The following KCTD1 variants were observed in gnomAD, a reference collection of about 807,000 sequenced individuals.
KCTD1 encodes the protein BTB/POZ domain-containing protein KCTD1.
In KCTD1, 24 loss-of-function variants were observed where a neutral mutation model predicts 66.0. The ratio of observed to expected loss-of-function variants is 0.36; its 90% CI spans 0.26 to 0.51. KCTD1 has a LOEUF of 0.51. Ranked by LOEUF, KCTD1 falls within the 20% of genes least tolerant of loss-of-function variation. The pLI is 0.95. For synonymous variants in KCTD1, 511 were observed against 517.2 expected (o/e 0.99, Z 0.16); for missense variants, 943 against 1,205.2 (o/e 0.78, Z 3.22).
intron 1 of KCTD1, among the ~76,000 whole-genome samples, chr18:26,563,883 G>C (rs1169044400): frequency 6.6e-6 from 1 of 152,132 alleles, no homozygotes; most frequent in African/African-American, 2.4e-5. Flanking sequence ...TCCAGTCTTA[G>C]CTCAAGTCCT....
chr18:26,610,093 T>C (rs1317309572), intron 1 of KCTD1, among the ~76,000 whole-genome samples: 3 of 152,258 alleles, frequency 2.0e-5, no homozygotes, highest in Non-Finnish European at 2.9e-5. Context: ...AGAATAAATC[T>C]AAGATGTGGG....
intron 1 of KCTD1, among the ~76,000 whole-genome samples, chr18:26,635,314 G>A (rs2145053172): frequency 6.6e-6 from 1 of 152,324 alleles, no homozygotes; most frequent in East Asian, 1.9e-4. Flanking sequence ...CCTGCCCACT[G>A]TGCCCACAGG....
At chr18:26,603,524 T>C (rs1159719854) in intron 1 of KCTD1, among the ~76,000 whole-genome samples, 1 of 151,450 alleles carries the variant, frequency 6.6e-6, no homozygotes, top group Non-Finnish European at 1.5e-5. Context: ...GCGGATCACC[T>C]GAGGCCAGGA....
chr18:26,481,821 G>A (rs1427090603), intron 2 of KCTD1, among the ~76,000 whole-genome samples: 1 of 152,124 alleles, frequency 6.6e-6, no homozygotes, highest in Non-Finnish European at 1.5e-5. Context: ...CAGCTATTCT[G>A]ATGTAATTGG....
rs532725155 is a variant in KCTD1, at chr18:26,540,140, C to A, written c.1809+6588G>T. ...AGATACTAGGCTGAACTGGGTTAAA[C>A]CGGACTAGGGACATGAAGTAAAACT... On this transcript the variant is annotated intron_variant, in intron 1 of 4. Coordinates refer to ENST00000580059, the MANE Select transcript of KCTD1 (RefSeq NM_001142730.3). Among the ~76,000 whole-genome samples the A allele has an allele frequency of 2.3e-3, 349 of 152,262 alleles. 2 individuals are homozygous for A. The highest frequency in any genetic ancestry group is 3.8e-3 in the Non-Finnish European group (261 of 68,020).
rs1318863807 is a variant in KCTD1 at position 26,564,064 on chromosome 18, G to A, written c.-15-62814C>T. The stretch of plus-strand genomic sequence containing the variant: ...CATTGCCTAGCATAGCTACTGGCAC[G>A]TAGAAGGTATTTGACAGATGTTTCT... On this transcript the variant is annotated intron_variant, in intron 1 of 4. Transcript: ENST00000317932. 2.6e-5 allele frequency among the ~76,000 whole-genome samples: 4 copies of A among 151,040 alleles called. No individual in the cohort carries two copies. The South Asian group carries it at 6.3e-4, about 24-fold the overall frequency.
upstream of KCTD1, chr18:26,657,459 A>C: frequency 3.3e-6 from 3 of 895,570 alleles, no homozygotes; most frequent in Non-Finnish European, 4.0e-6. Flanking sequence ...GGCTCGCCAC[A>C]CCAGAGAGAA....
At chr18:26,657,424 C>T (rs1415336170), upstream of KCTD1, 3 of 983,004 alleles carry the variant, frequency 3.1e-6, no homozygotes, top group Non-Finnish European at 2.4e-6. Flanking sequence ...CCCCCTTTTC[C>T]GATTTCTCTC....
intron 2 of KCTD1, among the ~76,000 whole-genome samples, chr18:26,489,731 T>C (rs1982097010): frequency 6.6e-6 from 1 of 152,176 alleles, no homozygotes; most frequent in Non-Finnish European, 1.5e-5. Flanking sequence ...ACGCATAGCA[T>C]AGGTATCCTT....
chr18:26,631,290 C>T (rs1472315950), upstream of KCTD1, among the ~76,000 whole-genome samples: 1 of 152,146 alleles, frequency 6.6e-6, no homozygotes, highest in African/African-American at 2.4e-5. Context: ...GCAATTTTGT[C>T]CTTCCTTGTT....
chr18:26,457,419 G>C (rs1211017285), intron 4 of KCTD1: 1 of 152,178 alleles, frequency 6.6e-6, no homozygotes, highest in African/African-American at 2.4e-5. Flanking sequence ...GGCCAAACCA[G>C]CACCCTGGAA....
At chr18:26,539,943 G>A (rs541562296) in intron 1 of KCTD1, among the ~76,000 whole-genome samples, 1 of 152,252 alleles carries the variant, frequency 6.6e-6, no homozygotes, top group African/African-American at 2.4e-5. Context: ...TCTAAATGGA[G>A]GGTGAGGCAG....
intron 3 of KCTD1, among the ~76,000 whole-genome samples, chr18:26,463,991 C>T (rs1282784126): frequency 6.6e-6 from 1 of 152,142 alleles, no homozygotes; most frequent in East Asian, 1.9e-4. Context: ...AAAATGCAAA[C>T]AGGCCAGGTT....
At chr18:26,482,926 G>A (rs1981724453) in intron 2 of KCTD1, among the ~76,000 whole-genome samples, 1 of 152,184 alleles carries the variant, frequency 6.6e-6, no homozygotes, top group Non-Finnish European at 1.5e-5. Flanking sequence ...GGGTGGTTGG[G>A]CCCTTTTATC....
chr18:26,605,506 T>C (rs939834086), intron 1 of KCTD1, among the ~76,000 whole-genome samples: 2 of 152,180 alleles, frequency 1.3e-5, no homozygotes, highest in African/African-American at 4.8e-5. Context: ...GAAATAAATA[T>C]GTAATCCCAT....
intron 1 of KCTD1, among the ~76,000 whole-genome samples, chr18:26,568,882 A>G (rs567088901): frequency 2.6e-5 from 4 of 152,308 alleles, no homozygotes; most frequent in Admixed American, 2.0e-4. Context: ...CTGGATTCCA[A>G]ATATATTTTC....
At chr18:26,588,835 GAGC>G (rs747535551) in intron 1 of KCTD1, among the ~76,000 whole-genome samples, 3 of 152,172 alleles carry the variant, frequency 2.0e-5, no homozygotes, top group Non-Finnish European at 4.4e-5. Flanking sequence ...TTTCCACAAG[GAGC>G]AGAACTCCTT....
intron 4 of KCTD1, chr18:26,459,369 G>T (rs1195293854): frequency 6.9e-6 from 3 of 436,684 alleles, no homozygotes; most frequent in Non-Finnish European, 8.1e-6. Flanking sequence ...GACTATAGGC[G>T]TGTGCCACCG....
chr18:26,464,839 G>A (rs1419167095), intron 3 of KCTD1, among the ~76,000 whole-genome samples: 1 of 152,180 alleles, frequency 6.6e-6, no homozygotes, highest in African/African-American at 2.4e-5. Flanking sequence ...TGTATCAGGG[G>A]TACCACCAGC....
Sources: allele counts gnomAD v4.1 joint callset (sites outside exome capture counted in the v4.1 genomes callset), GRCh38; gene constraint gnomAD v4.1.1; transcripts MANE v1.5; gene names NCBI Gene and HGNC (gene_info 2026-07-23, HGNC 2026-07-21).